DPP6: variants seen among roughly 807,000 people sequenced by gnomAD.
The protein encoded by DPP6 is A-type potassium channel modulatory protein DPP6.
DPP6 carries 69 observed loss-of-function variants against 122.6 expected under a neutral mutation model. The ratio of observed to expected loss-of-function variants is 0.56; its 90% confidence interval spans 0.46 to 0.69. The LOEUF is 0.69. Among genes scored for constraint, DPP6 ranks in the 30% least tolerant of loss-of-function variants. DPP6 has a pLI of 0.00. For missense variants in DPP6, 928 were observed against 1,116.9 expected (o/e 0.83, Z 2.41); for synonymous variants, 418 against 433.1 (o/e 0.97, Z 0.43).
intron 1 of DPP6, among the ~76,000 whole-genome samples, chr7:154,220,382 A>C (rs1442655632): frequency 6.6e-6 from 1 of 152,200 alleles, no homozygotes. Context: ...AACTCAGGAC[A>C]CAAAAAAAGA....
intron 1 of DPP6, among the ~76,000 whole-genome samples, chr7:154,363,619 A>T (rs1368447569): frequency 2.6e-5 from 4 of 152,158 alleles, no homozygotes; most frequent in African/African-American, 9.6e-5. Context: ...CGTGCGCGGA[A>T]AACCATGCTC....
At position 153,997,746 on chromosome 7, in the gene DPP6, G is replaced by C. The variant is rs975411669; in HGVS notation, c.51+110012G>C. ...AGCATCCAGCGACAAAAAGCTCCTA[G>C]ACGTCTACTACATGCAGCACTGCTG... On this transcript the variant is annotated intron_variant, in intron 1 of 25. Coordinates refer to the DPP6 transcript ENST00000404039. Among the ~76,000 whole-genome samples the C allele has an allele frequency of 4.1e-5, 6 of 147,636 alleles. 1 individual carries two copies. Among genetic ancestry groups the C allele is most frequent in the African/African-American group, 1.6e-4 (6 of 38,178 alleles).
At chr7:153,817,858 T>G in the DPP6 span, among the ~76,000 whole-genome samples, 1 of 151,466 alleles carries the variant, frequency 6.6e-6, no homozygotes, top group Admixed American at 6.6e-5. Flanking sequence ...ATGGCACATG[T>G]ATACATATGT....
At chr7:153,994,410 T>TA (rs1479332787) in intron 1 of DPP6, among the ~76,000 whole-genome samples, 4 of 151,748 alleles carry the variant, frequency 2.6e-5, no homozygotes, top group African/African-American at 9.7e-5. Flanking sequence ...GGCTAATTTT[T>TA]AAAAAATCAT....
rs560788349 is a variant in DPP6 at position 154,754,831 on chromosome 7, A to G, written c.884-14586A>G. ...ATGAGTTCATGTCCTTTGCAGGGAC[A>G]TGGATGAAGCTGGAAACCATCATCC... On this transcript the variant is annotated intron_variant, in intron 8 of 25. Transcript: ENST00000377770. Among the ~76,000 whole-genome samples, 325 of 152,334 alleles carry G rather than the reference A, an allele frequency of 2.1e-3. 3 individuals carry two copies. The highest frequency in any genetic ancestry group is 7.7e-3 in the African/African-American group (321 of 41,578).
chr7:154,432,957 T>C (rs1406738800), intron 1 of DPP6, among the ~76,000 whole-genome samples: 1 of 152,262 alleles, frequency 6.6e-6, no homozygotes. Flanking sequence ...TAAATGGGCA[T>C]GTTTCTAAAC....
intron 1 of DPP6, among the ~76,000 whole-genome samples, chr7:153,977,421 C>G (rs1796364424): frequency 6.6e-6 from 1 of 152,110 alleles, no homozygotes; most frequent in Non-Finnish European, 1.5e-5. Context: ...AGTGGTCTTT[C>G]TCCCTCTATT....
intron 16 of DPP6, among the ~76,000 whole-genome samples, chr7:154,829,108 C>T (rs1007656514): frequency 6.6e-6 from 1 of 152,044 alleles, no homozygotes; most frequent in East Asian, 2.0e-4. Context: ...AGAGGCTGAG[C>T]GCAGTGGCTC....
At chr7:153,984,086 ACAC>A (rs1796724821) in intron 1 of DPP6, among the ~76,000 whole-genome samples, 1 of 151,490 alleles carries the variant, frequency 6.6e-6, no homozygotes, top group Non-Finnish European at 1.5e-5. Context: ...ACACACACAC[ACAC>A]ACACACACAC....
At chr7:153,946,153 G>A (rs1000785699) in intron 1 of DPP6, among the ~76,000 whole-genome samples, 1 of 152,168 alleles carries the variant, frequency 6.6e-6, no homozygotes, top group Admixed American at 6.5e-5. Context: ...TGGACCTCAC[G>A]CAAGAAGGAA....
intron 1 of DPP6, among the ~76,000 whole-genome samples, chr7:154,093,244 AAC>A: frequency 6.7e-6 from 1 of 148,788 alleles, no homozygotes; most frequent in Non-Finnish European, 1.5e-5. Flanking sequence ...CACAGCACAT[AAC>A]ACACCACATG....
intron 1 of DPP6, among the ~76,000 whole-genome samples, chr7:154,379,233 G>T (rs2151137896): frequency 6.6e-6 from 1 of 152,266 alleles, no homozygotes; most frequent in Non-Finnish European, 1.5e-5. Flanking sequence ...TTCTATTGCA[G>T]AACTCCAGGG....
chr7:154,401,793 C>T (rs1369314388), intron 1 of DPP6, among the ~76,000 whole-genome samples: 1 of 152,156 alleles, frequency 6.6e-6, no homozygotes, highest in African/African-American at 2.4e-5. Flanking sequence ...AAGAAACTAC[C>T]ATCGGAGTGA....
chr7:153,939,366 C>G (rs1429232757), intron 1 of DPP6, among the ~76,000 whole-genome samples: 1 of 152,220 alleles, frequency 6.6e-6, no homozygotes, highest in African/African-American at 2.4e-5. Flanking sequence ...TTGTTAAGTG[C>G]CTGCTCTGTG....
At chr7:153,887,840 G>A (rs948357334) in intron 1 of DPP6, 1 of 1,276,444 alleles carries the variant, frequency 7.8e-7, no homozygotes, top group Non-Finnish European at 1.1e-6. Context: ...TGGAAGGACA[G>A]CGACCCCATG....
At chr7:153,757,132 G>A in the DPP6 span, among the ~76,000 whole-genome samples, 1 of 152,172 alleles carries the variant, frequency 6.6e-6, no homozygotes, top group Non-Finnish European at 1.5e-5. Context: ...AGAGATGGAG[G>A]AAGTTATGTA....
intron 5 of DPP6, among the ~76,000 whole-genome samples, chr7:154,582,828 G>A (rs1365753066): frequency 6.6e-6 from 1 of 152,194 alleles, no homozygotes; most frequent in African/African-American, 2.4e-5. Context: ...GTCTCCCACA[G>A]AGTGGAATGA....
chr7:154,207,987 C>A (rs11760994), intron 1 of DPP6, among the ~76,000 whole-genome samples: 8,066 of 151,902 alleles, frequency 0.053, 412 homozygotes, highest in African/African-American at 0.12. Context: ...ATGTGTATTC[C>A]CGTTTTTTAC....
intron 16 of DPP6, among the ~76,000 whole-genome samples, chr7:154,830,613 A>G (rs1158633481): frequency 1.3e-5 from 2 of 152,200 alleles, no homozygotes; most frequent in Non-Finnish European, 2.9e-5. Flanking sequence ...AACTGGTTCT[A>G]AGCAAAGGGT....
Sources: allele counts gnomAD v4.1 joint callset (sites outside exome capture counted in the v4.1 genomes callset), GRCh38; gene constraint gnomAD v4.1.1; transcripts MANE v1.5; gene names NCBI Gene and HGNC (gene_info 2026-07-23, HGNC 2026-07-21).